Variants in CCSER2 observed in about 807,000 individuals in gnomAD.
CCSER2 encodes coiled-coil serine rich protein 2, also known as serine-rich coiled-coil domain-containing protein 2.
Under a neutral mutation model 92.3 loss-of-function variants are expected in CCSER2, and 46 were observed. The observed-to-expected ratio is 0.50, with a 90% CI of 0.39 to 0.64. The LOEUF (loss-of-function observed/expected upper bound fraction) is 0.64, where lower values mean the gene tolerates loss of function less well. Among genes scored for constraint, CCSER2 ranks in the 30% least tolerant of loss-of-function variants. CCSER2 has a pLI of 0.00. For synonymous variants in CCSER2, 433 were observed against 431.4 expected (o/e 1.00, Z -0.04); for missense variants, 1,244 against 1,238.9 (o/e 1.00, Z -0.06).
At chr10:84,491,229 A>C (rs1280366951) in intron 9 of CCSER2, among the ~76,000 whole-genome samples, 3 of 152,178 alleles carry the variant, frequency 2.0e-5, no homozygotes, top group African/African-American at 7.2e-5. Flanking sequence ...CTCAGATCTC[A>C]AACCCCATGC....
chr10:84,363,504 T>C (rs902303630), intron 1 of CCSER2, among the ~76,000 whole-genome samples: 4 of 152,234 alleles, frequency 2.6e-5, no homozygotes, highest in Non-Finnish European at 5.9e-5. Context: ...TGTTGTTCAG[T>C]TAATTGCTCT....
intron 1 of CCSER2, among the ~76,000 whole-genome samples, chr10:84,365,782 G>A (rs778989652): frequency 1.3e-5 from 2 of 152,170 alleles, no homozygotes; most frequent in Non-Finnish European, 2.9e-5. Flanking sequence ...TTTTCTTTCC[G>A]TGGTCTACTT....
Position 84,371,122 on chromosome 10 carries a change from A to G in CCSER2, c.70A>G (p.Arg24Gly). ...KLPKYGTKSVRSTLQPMPNGT... is the reference protein window; with the variant it reads ...KLPKYGTKSVGSTLQPMPNGT... The stretch of plus-strand genomic sequence containing the variant: ...GCCAAAGTATGGAACAAAATCTGTA[A>G]GAAGTACATTGCAGCCAATGCCAAA... Residue 24 changes from arginine (R) to glycine (G), a missense_variant, in exon 2 of 10, where the codon AGA (arginine) becomes GGA (glycine). Physicochemically the swap from Arg to Gly is moderately radical, Grantham distance 125 (BLOSUM62 -2). Transcript: ENST00000372088. 6.2e-7 allele frequency: 1 copy of G among 1,611,634 alleles called. No homozygotes were observed. Among genetic ancestry groups the G allele is most frequent in the Non-Finnish European group, 8.5e-7 (1 of 1,179,318 alleles).
chr10:84,353,200 C>T (rs1844961867), intron 1 of CCSER2, among the ~76,000 whole-genome samples: 1 of 152,264 alleles, frequency 6.6e-6, no homozygotes, highest in East Asian at 1.9e-4. Context: ...CTTTTGTTTT[C>T]AGCAGGGACG....
At chr10:84,441,550 G>A (rs1216392504) in intron 6 of CCSER2, among the ~76,000 whole-genome samples, 1 of 151,576 alleles carries the variant, frequency 6.6e-6, no homozygotes, top group East Asian at 1.9e-4. Flanking sequence ...ATTCTTTGTT[G>A]TTTATTCAGG....
rs767110280 is a variant in CCSER2, at chr10:84,513,549, C to T, written c.2426C>T (p.Ser809Leu). 5 of 1,613,940 alleles carry T rather than the reference C, an allele frequency of 3.1e-6. No homozygotes were observed. In the South Asian group the frequency reaches 5.5e-5, roughly 18 times the overall value. Residue 809 changes from serine to leucine, a missense_variant, in exon 10 of 10, where the codon TCA (serine) becomes TTA (leucine). Transcript: ENST00000372088. ...CGTATCGAGGCCCGCAGTGAATGCT[C>T]AATCCAAGACATGCATCAGGGCGGT... ...PQRIEARSEC[S>L]IQDMHQGGAH...
At chr10:84,391,137 C>A (rs1346656188) in intron 3 of CCSER2, 1 of 784,664 alleles carries the variant, frequency 1.3e-6, no homozygotes, top group African/African-American at 1.7e-5. Context: ...ATAAGGATCT[C>A]TTCCCTTTAC....
chr10:84,366,424 A>C (rs781302088), intron 1 of CCSER2, among the ~76,000 whole-genome samples: 6 of 152,216 alleles, frequency 3.9e-5, no homozygotes, highest in Non-Finnish European at 8.8e-5. Flanking sequence ...CTCAAAGTAC[A>C]GTATATAAGA....
intron 1 of CCSER2, among the ~76,000 whole-genome samples, chr10:84,366,313 T>A (rs942098843): frequency 5.3e-5 from 8 of 152,158 alleles, no homozygotes; most frequent in Non-Finnish European, 2.9e-5. Context: ...AAAACAAAGT[T>A]CTTTTTTAGT....
At chr10:84,492,725 A>G (rs1848240944) in intron 9 of CCSER2, among the ~76,000 whole-genome samples, 3 of 152,192 alleles carry the variant, frequency 2.0e-5, no homozygotes, top group Admixed American at 6.5e-5. Context: ...CTATGAACCT[A>G]TGAGTTTTCT....
chr10:84,440,560 G>A (rs1270575790), intron 6 of CCSER2, among the ~76,000 whole-genome samples: 2 of 152,172 alleles, frequency 1.3e-5, no homozygotes, highest in African/African-American at 2.4e-5. Context: ...CATCTGAACA[G>A]GTTACTGTCC....
intron 1 of CCSER2, 98 bp downstream of exon 1, chr10:84,328,906 C>T (rs1449198076): frequency 6.6e-6 from 1 of 152,068 alleles, no homozygotes; most frequent in African/African-American, 2.4e-5. Context: ...GGGCGGAGGC[C>T]CGAACTCCCG....
intron 9 of CCSER2, among the ~76,000 whole-genome samples, chr10:84,491,505 G>A (rs1848163423): frequency 1.3e-5 from 2 of 152,168 alleles, no homozygotes; most frequent in Non-Finnish European, 2.9e-5. Flanking sequence ...TGCTAGCAAT[G>A]AGGGAGGATC....
chr10:84,404,883 G>C (rs567552013), intron 3 of CCSER2, among the ~76,000 whole-genome samples: 238 of 152,252 alleles, frequency 1.6e-3, no homozygotes, highest in African/African-American at 5.5e-3. Context: ...AGAAATTACA[G>C]AAGATCTAAA....
chr10:84,491,241 G>A (rs1028032446), intron 9 of CCSER2, among the ~76,000 whole-genome samples: 1 of 152,198 alleles, frequency 6.6e-6, no homozygotes, highest in African/African-American at 2.4e-5. Flanking sequence ...ACCCCATGCT[G>A]GGAGAACCAC....
chr10:84,480,444 A>T (rs1377035716), intron 9 of CCSER2, among the ~76,000 whole-genome samples: 1 of 152,338 alleles, frequency 6.6e-6, no homozygotes. Flanking sequence ...ATGTGAGTAC[A>T]AAGAAATCTT....
At chr10:84,487,524 G>C (rs548170141) in intron 9 of CCSER2, among the ~76,000 whole-genome samples, 118 of 152,150 alleles carry the variant, frequency 7.8e-4, no homozygotes, top group African/African-American at 2.7e-3. Flanking sequence ...TGGGAGTTCT[G>C]TCATGATTTG....
intron 1 of CCSER2, among the ~76,000 whole-genome samples, chr10:84,356,900 A>G (rs1845202957): frequency 6.6e-6 from 1 of 152,222 alleles, no homozygotes; most frequent in Non-Finnish European, 1.5e-5. Flanking sequence ...CTGATAATGT[A>G]AATTTGAGGT....
At chr10:84,489,068 C>G (rs1053245744) in intron 9 of CCSER2, among the ~76,000 whole-genome samples, 1 of 152,176 alleles carries the variant, frequency 6.6e-6, no homozygotes, top group African/African-American at 2.4e-5. Context: ...TTTATTAATC[C>G]TGAGTTCTAG....
Sources: gnomAD v4.1 joint callset for allele counts (sites outside exome capture counted in the v4.1 genomes callset) on GRCh38, gnomAD v4.1.1 for gene constraint, MANE v1.5 for transcripts, NCBI Gene and HGNC (gene_info 2026-07-23, HGNC 2026-07-21) for gene names.